OSBP2: variants seen among roughly 807,000 people sequenced by gnomAD.
OSBP2 encodes oxysterol-binding protein 2.
In OSBP2, 66 loss-of-function variants were observed where a neutral mutation model predicts 96.0. The observed-to-expected ratio is 0.69, with a 90% CI of 0.56 to 0.84. The LOEUF (loss-of-function observed/expected upper bound fraction) is 0.84. Ranked by LOEUF, OSBP2 falls within the 40% of genes least tolerant of loss-of-function variation. The probability of loss-of-function intolerance (pLI) is 0.00; values close to 1 mark genes in which losing one functional copy is unlikely to be tolerated. For synonymous variants in OSBP2, 525 were observed against 520.9 expected (o/e 1.01, Z -0.11); for missense variants, 1,038 against 1,222.7 (o/e 0.85, Z 2.25).
rs370559918 is a variant in OSBP2 at position 30,888,209 on chromosome 22, G to A, written c.1301-14G>A. The stretch of plus-strand genomic sequence containing the variant: ...TTGTGAGGTTACAAATTAAAGCTCT[G>A]TCTGTGTCTCTAGGAAGCCTCTTGA... On this transcript the variant is annotated splice_polypyrimidine_tract_variant and intron_variant, in intron 4 of 13. Coordinates refer to ENST00000332585, the MANE Select transcript of OSBP2 (RefSeq NM_030758.4). 9.2e-6 allele frequency: 14 copies of A among 1,529,788 alleles called. No homozygotes were observed. In the African/African-American group the frequency reaches 1.8e-4, roughly 19 times the overall value. The allele number at this position is 1,529,788 out of a possible 1,614,324, so 94.8% of individuals were successfully genotyped here.
At chr22:30,818,473 T>G (rs1010442327) in intron 2 of OSBP2, among the ~76,000 whole-genome samples, 1 of 152,176 alleles carries the variant, frequency 6.6e-6, no homozygotes, top group Non-Finnish European at 1.5e-5. Context: ...GTCCAGTTCA[T>G]CTTACTGGGC....
At position 30,871,713 on chromosome 22, in the gene OSBP2, G is replaced by C. The variant is rs1177165158; in HGVS notation, c.1107+1031G>C. On this transcript the variant is annotated intron_variant, in intron 3 of 13. Coordinates refer to ENST00000332585, the MANE Select transcript of OSBP2 (RefSeq NM_030758.4). This position sits in a 1 kb window ranked among gnomAD's most constrained non-coding sequence, Gnocchi z 4.7. ...TTAGACCAGGGCCGGACTGGGAGCT[G>C]GGACCAAGCTCCAGGCCCCGCAAGA... 6.6e-6 allele frequency among the ~76,000 whole-genome samples: 1 copy of C among 152,186 alleles called. No homozygotes were observed. Among genetic ancestry groups the C allele is most frequent in the East Asian group, 1.9e-4 (1 of 5,178 alleles).
intron 2 of OSBP2, among the ~76,000 whole-genome samples, chr22:30,799,035 T>G (rs1196991359): frequency 2.0e-5 from 3 of 150,762 alleles, no homozygotes; most frequent in South Asian, 4.2e-4. Context: ...AAAAAGAAAT[T>G]ATTTGACTAT....
intron 2 of OSBP2, among the ~76,000 whole-genome samples, chr22:30,864,191 C>G (rs963782974): frequency 6.6e-6 from 1 of 152,108 alleles, no homozygotes; most frequent in East Asian, 1.9e-4. Context: ...AGGCTGGTCT[C>G]AAACTCCTGA....
intron 2 of OSBP2, among the ~76,000 whole-genome samples, chr22:30,790,778 T>C (rs923069368): frequency 2.6e-5 from 4 of 152,198 alleles, no homozygotes; most frequent in Non-Finnish European, 5.9e-5. Context: ...AATAAGCTTT[T>C]GGATGAACAA....
At chr22:30,793,808 T>G (rs136292) in intron 2 of OSBP2, among the ~76,000 whole-genome samples, 1 of 152,032 alleles carries the variant, frequency 6.6e-6, no homozygotes, top group Non-Finnish European at 1.5e-5. Flanking sequence ...CACCACTGCA[T>G]TCCAGTCTGG....
intron 2 of OSBP2, among the ~76,000 whole-genome samples, chr22:30,858,146 TGTTTG>T (rs370401066): frequency 3.5e-5 from 4 of 114,668 alleles, no homozygotes; most frequent in Admixed American, 8.4e-5. Flanking sequence ...TTTGTTTGTT[TGTTTG>T]TTTTTTGAGA....
intron 1 of OSBP2, among the ~76,000 whole-genome samples, chr22:30,705,156 G>T (rs2089231921): frequency 6.6e-6 from 1 of 152,186 alleles, no homozygotes; most frequent in East Asian, 1.9e-4. Flanking sequence ...CTGGCCCTGT[G>T]ATTGGCGGTT....
At chr22:30,708,080 G>A (rs978928365) in intron 1 of OSBP2, among the ~76,000 whole-genome samples, 2 of 152,004 alleles carry the variant, frequency 1.3e-5, no homozygotes, top group Non-Finnish European at 2.9e-5. Flanking sequence ...TAGAGACAGG[G>A]TTGTGCCGTG....
intron 1 of OSBP2, among the ~76,000 whole-genome samples, chr22:30,719,717 G>A (rs896220610): frequency 2.0e-5 from 3 of 148,932 alleles, no homozygotes; most frequent in Non-Finnish European, 4.4e-5. Context: ...TGGCACCACT[G>A]CACTCTATCC....
At chr22:30,741,135 C>T (rs1333858534) in intron 1 of OSBP2, 26 bp from the exon 2 acceptor site, 3 of 1,581,762 alleles carry the variant, frequency 1.9e-6, no homozygotes, top group Non-Finnish European at 2.6e-6. Flanking sequence ...GGAGCCTCAC[C>T]CCATTCCTTC....
At chr22:30,796,339 T>G (rs2090761384) in intron 2 of OSBP2, among the ~76,000 whole-genome samples, 2 of 152,176 alleles carry the variant, frequency 1.3e-5, no homozygotes, top group Non-Finnish European at 2.9e-5. Flanking sequence ...TTGCTTTTAC[T>G]CCTTATGAAT....
At chr22:30,705,482 G>A (rs972419419) in intron 1 of OSBP2, among the ~76,000 whole-genome samples, 5 of 151,944 alleles carry the variant, frequency 3.3e-5, no homozygotes, top group African/African-American at 1.2e-4. Flanking sequence ...TAGTAGAGTC[G>A]GGGTTTCTCC....
At chr22:30,810,442 C>T (rs2090990859) in intron 2 of OSBP2, among the ~76,000 whole-genome samples, 1 of 152,170 alleles carries the variant, frequency 6.6e-6, no homozygotes, top group East Asian at 1.9e-4. Flanking sequence ...CTGGGCTATG[C>T]TGTCCAGAGC....
intron 2 of OSBP2, among the ~76,000 whole-genome samples, chr22:30,775,393 A>G (rs930003319): frequency 6.6e-6 from 1 of 151,834 alleles, no homozygotes; most frequent in Non-Finnish European, 1.5e-5. Context: ...GGATCACTTG[A>G]GGTCAGGAGT....
intron 2 of OSBP2, among the ~76,000 whole-genome samples, chr22:30,788,330 A>G (rs1225526249): frequency 6.6e-6 from 1 of 152,102 alleles, no homozygotes; most frequent in African/African-American, 2.4e-5. Flanking sequence ...GTTGCTGCCA[A>G]AGCAACACAG....
At chr22:30,792,756 AAAAG>A (rs2090694783) in intron 2 of OSBP2, among the ~76,000 whole-genome samples, 1 of 152,202 alleles carries the variant, frequency 6.6e-6, no homozygotes, top group African/African-American at 2.4e-5. Flanking sequence ...GAACCCTATG[AAAAG>A]CACAAGCCTC....
chr22:30,739,475 C>T (rs115615877), intron 1 of OSBP2, among the ~76,000 whole-genome samples: 2,466 of 151,982 alleles, frequency 0.016, 61 homozygotes, highest in African/African-American at 0.055. Context: ...CTCTGTAGTT[C>T]TTTTTTTTGT....
At chr22:30,803,085 AGGC>A (rs570066052) in intron 2 of OSBP2, 248 of 208,024 alleles carry the variant, frequency 1.2e-3, no homozygotes, top group South Asian at 3.1e-3. Flanking sequence ...GGCGGCGGGA[AGGC>A]GGCGGCGGCG....
Sources: allele counts gnomAD v4.1 joint callset (sites outside exome capture counted in the v4.1 genomes callset), GRCh38; gene constraint gnomAD v4.1.1; non-coding constraint Gnocchi (gnomAD v3.1); transcripts MANE v1.5; gene names NCBI Gene and HGNC (gene_info 2026-07-23, HGNC 2026-07-21).